Variants in FERMT1 observed in about 807,000 individuals in gnomAD.
FERMT1 encodes fermitin family homolog 1.
Under a neutral mutation model 85.3 loss-of-function variants are expected in FERMT1, and 60 were observed. That is an observed-to-expected ratio of 0.70 (90% confidence interval 0.57 to 0.87). FERMT1 has a LOEUF of 0.87. FERMT1 is among the 40% of genes least tolerant of loss of function. The pLI is 0.00. For missense variants in FERMT1, 701 were observed against 818.9 expected, an observed-to-expected ratio of 0.86 and a Z score of 1.76; for synonymous variants, 275 against 301.1, an observed-to-expected ratio of 0.91 and a Z score of 0.90.
At chr20:6,118,411 T>C (rs1983168003) in intron 2 of FERMT1, among the ~76,000 whole-genome samples, 1 of 149,754 alleles carries the variant, frequency 6.7e-6, no homozygotes, top group East Asian at 2.0e-4. Context: ...GTATGGGGCT[T>C]GGGTGGGGAA....
intron 10 of FERMT1, among the ~76,000 whole-genome samples, chr20:6,088,432 G>A (rs1036581076): frequency 1.3e-5 from 2 of 152,046 alleles, no homozygotes; most frequent in Non-Finnish European, 2.9e-5. Flanking sequence ...ATAAACTCTG[G>A]ACACACTGAG....
Position 6,077,155 on chromosome 20 carries a change from C to T in FERMT1, c.*18G>A, listed in dbSNP as rs754435068. The T allele has an allele frequency of 1.1e-5, 18 of 1,612,760 alleles. No homozygotes were observed. The highest frequency in any genetic ancestry group is 2.2e-5 in the East Asian group (1 of 44,884). ...TTTGGCTTGCCTTGTTGGTGTGAGC[C>T]GAGCACGCGTGCTTGTTTCAATCCT... On this transcript the variant is annotated 3_prime_UTR_variant, in exon 15 of 15. Coordinates refer to ENST00000217289, the MANE Select transcript of FERMT1 (RefSeq NM_017671.5).
In FERMT1 at chr20:6,085,061, A is replaced by G. The variant is rs555063747; in HGVS notation, c.1593+5T>C. On this transcript the variant is annotated splice_donor_5th_base_variant and intron_variant, in intron 12 of 14. Coordinates refer to ENST00000217289, the MANE Select transcript of FERMT1 (RefSeq NM_017671.5). ...AAACAATTGCCCTAACAAGATTAAC[A>G]GTACCTGTTTGGATTTGTGTCTTTT... The G allele has an allele frequency of 2.3e-5, 37 of 1,607,000 alleles. 2 individuals are homozygous for G. In the South Asian group the frequency reaches 3.0e-4, roughly 13 times the overall value.
chr20:6,111,404 G>A (rs956777622), intron 4 of FERMT1, among the ~76,000 whole-genome samples: 1 of 152,112 alleles, frequency 6.6e-6, no homozygotes, highest in African/African-American at 2.4e-5. Flanking sequence ...GGCTGAGGCA[G>A]GCGGATCACT....
intron 5 of FERMT1, among the ~76,000 whole-genome samples, chr20:6,110,080 A>G (rs1982902917): frequency 6.6e-6 from 1 of 152,158 alleles, no homozygotes; most frequent in African/African-American, 2.4e-5. Flanking sequence ...ACAGATAGTA[A>G]ATCTACTGAG....
At chr20:6,109,327 G>A (rs1982881377) in intron 5 of FERMT1, among the ~76,000 whole-genome samples, 1 of 152,188 alleles carries the variant, frequency 6.6e-6, no homozygotes, top group Non-Finnish European at 1.5e-5. Flanking sequence ...TGACAGGTAG[G>A]GACTGAACAG....
intron 6 of FERMT1, among the ~76,000 whole-genome samples, chr20:6,102,372 T>A (rs1235117268): frequency 6.6e-6 from 1 of 151,954 alleles, no homozygotes. Flanking sequence ...CCTTGGCCCT[T>A]TTCTTTGCTT....
rs1161728265 is a variant in FERMT1 at position 6,088,991 on chromosome 20, TCTC to T, written c.1235_1237del (p.Gly412del). On this transcript the variant is annotated inframe_deletion, in exon 10 of 15. Coordinates refer to ENST00000217289, the MANE Select transcript of FERMT1 (RefSeq NM_017671.5). Reference sequence around the variant, plus strand: ...TCTAAGATTTAGTTTTTCTAGTGGTTCTCCTTGTTCAAGTTCCTTATTTTTAAA... The same window carrying T: ...TCTAAGATTTAGTTTTTCTAGTGGTTCTTGTTCAAGTTCCTTATTTTTAAA... The T allele has an allele frequency of 6.2e-7, 1 of 1,612,456 alleles. No individual in the cohort carries two copies. Among genetic ancestry groups the T allele is most frequent in the East Asian group, 2.2e-5 (1 of 44,856 alleles).
At chr20:6,122,707 G>C (rs6139921) in intron 1 of FERMT1, 67 bp downstream of exon 1, 1 of 152,324 alleles carries the variant, frequency 6.6e-6, no homozygotes, top group Admixed American at 6.5e-5. Context: ...AGGGGGCTCA[G>C]GAGCCACTGG....
At chr20:6,092,633 T>C (rs888439598) in intron 9 of FERMT1, among the ~76,000 whole-genome samples, 1 of 152,220 alleles carries the variant, frequency 6.6e-6, no homozygotes, top group Non-Finnish European at 1.5e-5. Context: ...CAGAACCCCA[T>C]GCAAGGATGA....
chr20:6,083,910 A>C, intron 13 of FERMT1, 130 bp downstream of exon 13: 1 of 1,076,168 alleles, frequency 9.3e-7, no homozygotes, highest in Non-Finnish European at 1.4e-6. Context: ...TGTCAGGACT[A>C]TTTATAAAAG....
intron 2 of FERMT1, among the ~76,000 whole-genome samples, chr20:6,117,657 C>T (rs539764822): frequency 2.6e-5 from 4 of 152,326 alleles, no homozygotes; most frequent in Admixed American, 1.3e-4. Context: ...TGGTCTCGAA[C>T]TCCTGACCTC....
At chr20:6,077,640 CCT>C (rs971157913) in intron 14 of FERMT1, among the ~76,000 whole-genome samples, 1 of 152,148 alleles carries the variant, frequency 6.6e-6, no homozygotes, top group Admixed American at 6.5e-5. Context: ...TCTCTGTCTC[CCT>C]GTGTTGAGGG....
At chr20:6,118,007 C>G (rs1983155554) in intron 2 of FERMT1, among the ~76,000 whole-genome samples, 1 of 150,680 alleles carries the variant, frequency 6.6e-6, no homozygotes, top group Non-Finnish European at 1.5e-5. Flanking sequence ...TAAATTGGCA[C>G]AACTATTTTG....
chr20:6,077,258 T>C lies in FERMT1; in HGVS notation c.1949A>G (p.Tyr650Cys). The C allele has an allele frequency of 1.2e-6, 2 of 1,614,166 alleles. No individual in the cohort carries two copies. Among genetic ancestry groups the C allele is most frequent in the South Asian group, 2.2e-5 (2 of 91,074 alleles). ...CKIVHEYIGG[Y>C]IFLSTRSKDQ... ...CTTGGAGCGGGTGGACAAGAAAATG[T>C]AGCCGCCAATGTACTCGTGCACAAT... Residue 650 changes from tyrosine to cysteine, a missense_variant, in exon 15 of 15, where the codon TAC becomes TGC. Physicochemically the swap from Tyr to Cys is radical, Grantham distance 194. Coordinates refer to ENST00000217289, the MANE Select transcript of FERMT1 (RefSeq NM_017671.5).
intron 4 of FERMT1, among the ~76,000 whole-genome samples, chr20:6,110,851 G>A (rs566502813): frequency 1.1e-4 from 17 of 152,350 alleles, no homozygotes; most frequent in South Asian, 6.2e-4. Context: ...GGTCTTATCT[G>A]TAAATTCAGC....
chr20:6,116,224 G>A lies in FERMT1; in HGVS notation c.152-180C>T, dbSNP rs954175473. Among the ~76,000 whole-genome samples the A allele has an allele frequency of 3.3e-5, 5 of 152,114 alleles. No homozygotes were observed. In the South Asian group the frequency reaches 8.3e-4, roughly 25 times the overall value. ...TTGGCTTCTTTCCAAAGTCTCCAGG[G>A]AAAAAATAGGGACTGGGATGGCATT... On this transcript the variant is annotated intron_variant, in intron 2 of 14. Transcript: ENST00000217289.
At chr20:6,084,974 T>G in intron 12 of FERMT1, 92 bp downstream of exon 12, 5 of 1,259,246 alleles carry the variant, frequency 4.0e-6, no homozygotes, top group Non-Finnish European at 5.8e-6. Flanking sequence ...ATTACAGGTG[T>G]GAGCCACCAT....
chr20:6,118,617 A>G (rs938228724), intron 2 of FERMT1, among the ~76,000 whole-genome samples: 2 of 152,238 alleles, frequency 1.3e-5, no homozygotes, highest in African/African-American at 4.8e-5. Flanking sequence ...CCTTAAATAG[A>G]AGGCAAAAGA....
Sources: allele counts gnomAD v4.1 joint callset (sites outside exome capture counted in the v4.1 genomes callset), GRCh38; gene constraint gnomAD v4.1.1; transcripts MANE v1.5; gene names NCBI Gene and HGNC (gene_info 2026-07-23, HGNC 2026-07-21).